TLN2: variants seen among roughly 807,000 people sequenced by gnomAD.
TLN2 encodes the protein talin 2.
Under a neutral mutation model 294.7 loss-of-function variants are expected in TLN2, and 118 were observed. That is an observed-to-expected ratio of 0.40 (90% CI 0.34 to 0.47). The LOEUF (loss-of-function observed/expected upper bound fraction) is 0.47. Ranked by LOEUF, TLN2 falls within the 20% of genes least tolerant of loss-of-function variation. The pLI is 0.84. For synonymous variants in TLN2, 1,431 were observed against 1,304.5 expected (o/e 1.10, Z -2.09); for missense variants, 3,083 against 3,282.2 (o/e 0.94, Z 1.48).
intron 3 of TLN2, among the ~76,000 whole-genome samples, chr15:62,623,220 C>T (rs946973601): frequency 2.0e-5 from 3 of 152,202 alleles, no homozygotes; most frequent in Non-Finnish European, 4.4e-5. Context: ...GACTGCACAT[C>T]CTAAACCAAG....
chr15:62,651,792 T>G (rs1036454383), intron 5 of TLN2, among the ~76,000 whole-genome samples: 2 of 152,172 alleles, frequency 1.3e-5, no homozygotes, highest in African/African-American at 4.8e-5. Flanking sequence ...CTGAATGGAA[T>G]TTTTTTGTAA....
intron 9 of TLN2, among the ~76,000 whole-genome samples, chr15:62,673,013 T>G (rs1278601107): frequency 6.6e-6 from 1 of 152,094 alleles, no homozygotes; most frequent in East Asian, 1.9e-4. Context: ...ATTACTCATT[T>G]ACTTTATCCT....
chr15:62,590,094 T>C (rs1056167010), intron 2 of TLN2, among the ~76,000 whole-genome samples: 1 of 152,192 alleles, frequency 6.6e-6, no homozygotes, highest in Non-Finnish European at 1.5e-5. Context: ...ATAAATCTTT[T>C]CTTAGTGTGA....
intron 51 of TLN2, among the ~76,000 whole-genome samples, chr15:62,806,698 G>T (rs560132105): frequency 2.9e-4 from 44 of 152,274 alleles, no homozygotes; most frequent in African/African-American, 8.9e-4. Context: ...TTAGGAAAGT[G>T]AACTATAAGA....
At chr15:62,396,665 C>CTGAA (rs1411655408) in intron 1 of TLN2, among the ~76,000 whole-genome samples, 1 of 152,004 alleles carries the variant, frequency 6.6e-6, no homozygotes, top group Non-Finnish European at 1.5e-5. Context: ...TGATCCCATA[C>CTGAA]TGAAGGAAGA....
At chr15:62,692,192 C>T (rs1398650281) in intron 12 of TLN2, among the ~76,000 whole-genome samples, 1 of 152,218 alleles carries the variant, frequency 6.6e-6, no homozygotes, top group Non-Finnish European at 1.5e-5. Context: ...GCAGAAGGCA[C>T]TTCCCTGGGC....
rs1196524025 is a variant in TLN2, at chr15:62,844,491, C to G, written c.*3881C>G. 6.6e-6 allele frequency: 1 copy of G among 152,164 alleles called. No individual in the cohort carries two copies. The highest frequency in any genetic ancestry group is 1.5e-5 in the Non-Finnish European group (1 of 68,066). 9.4% of individuals were successfully genotyped at this position (152,164 alleles called of 1,614,324 possible). A position where few individuals can be genotyped will look rare whatever the true frequency, so the allele number is the denominator to read the frequency against. On this transcript the variant is annotated 3_prime_UTR_variant, in exon 59 of 59. Transcript: ENST00000636159. ...ACGAGGCTGGGTCTCATTCAGCGGC[C>G]TCTCACCAACCTTCAAGATCCAGAA...
At chr15:62,779,516 G>A (rs1379010411) in intron 43 of TLN2, among the ~76,000 whole-genome samples, 2 of 152,218 alleles carry the variant, frequency 1.3e-5, no homozygotes, top group Non-Finnish European at 2.9e-5. Flanking sequence ...TGAAATCCTA[G>A]TCACTACTTT....
At chr15:62,395,850 A>G (rs947295591) in intron 1 of TLN2, among the ~76,000 whole-genome samples, 3 of 151,860 alleles carry the variant, frequency 2.0e-5, no homozygotes, top group African/African-American at 7.3e-5. Context: ...TTTTATTTTT[A>G]TTTTTTTGAG....
At chr15:62,709,560 T>A (rs2059288554) in intron 21 of TLN2, among the ~76,000 whole-genome samples, 1 of 152,122 alleles carries the variant, frequency 6.6e-6, no homozygotes, top group Non-Finnish European at 1.5e-5. Context: ...TGTTTTCAGA[T>A]TCCAAAGCAT....
At chr15:62,525,031 A>G (rs12708474) in intron 1 of TLN2, among the ~76,000 whole-genome samples, 18,307 of 152,228 alleles carry the variant, frequency 0.12, 1,365 homozygotes, top group African/African-American at 0.2. Flanking sequence ...TCGTGATAGC[A>G]TCTCTGCATG....
At chr15:62,523,260 T>G (rs2040563813) in intron 1 of TLN2, among the ~76,000 whole-genome samples, 1 of 152,212 alleles carries the variant, frequency 6.6e-6, no homozygotes, top group African/African-American at 2.4e-5. Flanking sequence ...ATAAAATGTT[T>G]AGCTGACATA....
chr15:62,711,093 T>C (rs1384604845), intron 21 of TLN2, among the ~76,000 whole-genome samples: 3 of 152,172 alleles, frequency 2.0e-5, no homozygotes, highest in Non-Finnish European at 2.9e-5. Context: ...CACATTTTTA[T>C]TTTAGTAAAA....
rs145263280 is a variant in TLN2, at chr15:62,809,940, C to G, written c.6679C>G (p.Pro2227Ala). ...CTCTCTCCAGCAAGCATCCTTCCACCCCGATGTCAGTGACGAGGTGAGAAC... is the reference window on the plus strand; with the variant it reads ...CTCTCTCCAGCAAGCATCCTTCCACGCCGATGTCAGTGACGAGGTGAGAAC... ...LTACKQASFHPDVSDEVRTRA... is the reference protein window; with the variant it reads ...LTACKQASFHADVSDEVRTRA... The change falls in exon 52 of 59, where the codon CCC (proline) becomes GCC (alanine). Residue 2227 changes from proline (P) to alanine (A), a missense_variant. By Grantham distance (27) the Pro-to-Ala change is conservative (BLOSUM62 -1). Transcript: ENST00000636159. The G allele has an allele frequency of 6.2e-7, 1 of 1,614,098 alleles. No individual in the cohort carries two copies. Among genetic ancestry groups the G allele is most frequent in the African/African-American group, 1.3e-5 (1 of 75,010 alleles).
chr15:62,680,074 T>C (rs974330387), intron 11 of TLN2, among the ~76,000 whole-genome samples: 2 of 152,248 alleles, frequency 1.3e-5, no homozygotes, highest in African/African-American at 4.8e-5. Flanking sequence ...TGATCAACTT[T>C]AGCTATAAAG....
intron 51 of TLN2, 63 bp from the exon 52 acceptor site, chr15:62,809,862 T>A (rs1031171701): frequency 4.3e-5 from 65 of 1,513,906 alleles, no homozygotes; most frequent in Non-Finnish European, 5.7e-5. Context: ...TGCCTCTGAG[T>A]CTGGGACTGC....
chr15:62,759,688 T>C (rs1184875650), intron 37 of TLN2, among the ~76,000 whole-genome samples: 2 of 152,206 alleles, frequency 1.3e-5, no homozygotes, highest in Non-Finnish European at 2.9e-5. Context: ...AAGGGAAGGC[T>C]GAGCATCTCC....
chr15:62,802,441 T>C (rs1000005509), intron 50 of TLN2, among the ~76,000 whole-genome samples: 56 of 146,926 alleles, frequency 3.8e-4, no homozygotes, highest in African/African-American at 1.3e-3. Flanking sequence ...CACACACATA[T>C]ATATAATATT....
chr15:62,609,009 A>C (rs373665341), intron 2 of TLN2, among the ~76,000 whole-genome samples: 1 of 152,154 alleles, frequency 6.6e-6, no homozygotes, highest in South Asian at 2.1e-4. Context: ...GGGAGCATAG[A>C]GGCCGGGCAC....
Sources: allele counts gnomAD v4.1 joint callset (sites outside exome capture counted in the v4.1 genomes callset), GRCh38; gene constraint gnomAD v4.1.1; transcripts MANE v1.5; gene names NCBI Gene and HGNC (gene_info 2026-07-23, HGNC 2026-07-21).